MPP7: variants seen among roughly 807,000 people sequenced by gnomAD.
MPP7 encodes MAGUK p55 subfamily member 7.
Under a neutral mutation model 76.5 loss-of-function variants are expected in MPP7, and 60 were observed. The ratio of observed to expected loss-of-function variants is 0.78; its 90% CI spans 0.64 to 0.97. MPP7 has a LOEUF of 0.97. Ranked by LOEUF, MPP7 falls within the 50% of genes least tolerant of loss-of-function variation. MPP7 has a pLI of 0.00. For synonymous variants in MPP7, 237 were observed against 244.5 expected (o/e 0.97, Z 0.29); for missense variants, 641 against 694.0 (o/e 0.92, Z 0.86).
chr10:28,328,719 T>C (rs1389259487), intron 2 of MPP7, among the ~76,000 whole-genome samples: 1 of 152,202 alleles, frequency 6.6e-6, no homozygotes, highest in African/African-American at 2.4e-5. Flanking sequence ...TTAGTTATAT[T>C]TGCAGCGTTT....
At chr10:28,089,060 A>G (rs1322779541) in intron 12 of MPP7, among the ~76,000 whole-genome samples, 3 of 151,990 alleles carry the variant, frequency 2.0e-5, no homozygotes, top group Non-Finnish European at 4.4e-5. Flanking sequence ...ATTTTTGTAG[A>G]GATGGGGCTT....
At chr10:28,289,927 T>TC (rs1840874820) in intron 1 of MPP7, among the ~76,000 whole-genome samples, 1 of 152,206 alleles carries the variant, frequency 6.6e-6, no homozygotes, top group African/African-American at 2.4e-5. Context: ...CAAGCAATGC[T>TC]CCCATCTTAG....
chr10:28,062,951 G>C (rs890658009), intron 13 of MPP7, among the ~76,000 whole-genome samples: 1 of 151,770 alleles, frequency 6.6e-6, no homozygotes, highest in Non-Finnish European at 1.5e-5. Flanking sequence ...CTTTTACATA[G>C]AACAGAAAAA....
At chr10:28,190,206 T>C (rs1172680169) in intron 3 of MPP7, among the ~76,000 whole-genome samples, 2 of 152,128 alleles carry the variant, frequency 1.3e-5, no homozygotes, top group Non-Finnish European at 2.9e-5. Context: ...GAGAAATGCA[T>C]GAAGTCACTA....
intron 1 of MPP7, among the ~76,000 whole-genome samples, chr10:28,254,334 A>C (rs1401448518): frequency 3.3e-5 from 5 of 152,196 alleles, no homozygotes; most frequent in Non-Finnish European, 7.3e-5. Flanking sequence ...AAAAGGGCCC[A>C]ACAAAATAAA....
intron 13 of MPP7, among the ~76,000 whole-genome samples, chr10:28,068,657 AT>A (rs1263305791): frequency 1.3e-5 from 2 of 152,314 alleles, no homozygotes; most frequent in East Asian, 1.9e-4. Context: ...TGAAAAGCCC[AT>A]TTAACATCAT....
rs58760717 is a variant in MPP7, at chr10:28,332,890, C to G, written c.-206+1528G>C. Among the ~76,000 whole-genome samples, 1,365 of 151,894 alleles carry G rather than the reference C, an allele frequency of 9.0e-3. 16 individuals carry two copies. The highest frequency in any genetic ancestry group is 0.056 in the South Asian group (268 of 4,808). On this transcript the variant is annotated intron_variant, in intron 1 of 11. Transcript: ENST00000441595. ...GTTGCCCAAGCTGGTCACAAACTCC[C>G]AACCTCAAGCAATCCTCCCACCCCA... is the stretch of plus-strand genomic sequence containing the variant.
At chr10:28,213,570 A>C (rs1279817072) in intron 2 of MPP7, among the ~76,000 whole-genome samples, 1 of 151,968 alleles carries the variant, frequency 6.6e-6, no homozygotes, top group East Asian at 1.9e-4. Context: ...CAAGGCGGGC[A>C]GATCAAGAGG....
chr10:28,189,570 C>CAAA lies in MPP7; in HGVS notation c.156+12580_156+12582dup, dbSNP rs59436299. Reference sequence around the variant, plus strand: ...AGGGAGACAGAGCAAGACCCTGTCTCAAAAAAAAAAAAAAAAAAAAAAAAA... The same window carrying CAAA: ...AGGGAGACAGAGCAAGACCCTGTCTCAAAAAAAAAAAAAAAAAAAAAAAAAAAA... On this transcript the variant is annotated intron_variant, in intron 3 of 16. Coordinates refer to ENST00000683449, the MANE Select transcript of MPP7 (RefSeq NM_001318170.2). 3.7e-4 allele frequency among the ~76,000 whole-genome samples: 26 copies of CAAA among 69,528 alleles called. 1 individual carries two copies. The highest frequency in any genetic ancestry group is 9.6e-4 in the African/African-American group (20 of 20,744). The allele number at this position is 69,528 out of a possible 152,430, so 45.6% of individuals were successfully genotyped here. A position where few individuals can be genotyped will look rare whatever the true frequency, so the allele number is the denominator to read the frequency against.
At chr10:28,157,604 C>T (rs1393323387) in intron 3 of MPP7, among the ~76,000 whole-genome samples, 1 of 152,220 alleles carries the variant, frequency 6.6e-6, no homozygotes, top group African/African-American at 2.4e-5. Flanking sequence ...AAACTCAAGC[C>T]TGTTCTGGGG....
At chr10:28,101,135 A>T (rs969513499) in intron 11 of MPP7, among the ~76,000 whole-genome samples, 2 of 152,258 alleles carry the variant, frequency 1.3e-5, no homozygotes, top group African/African-American at 4.8e-5. Flanking sequence ...GTCAGAAAAA[A>T]ATATTTCCAA....
intron 11 of MPP7, among the ~76,000 whole-genome samples, chr10:28,093,637 G>A (rs1853425872): frequency 6.6e-6 from 1 of 151,916 alleles, no homozygotes. Flanking sequence ...AGTAGAGATG[G>A]GGTTTCTCCA....
chr10:28,303,171 G>C (rs1370142223), upstream of MPP7: 1 of 143,954 alleles, frequency 6.9e-6, no homozygotes, highest in Non-Finnish European at 1.5e-5. Context: ...GGCGATAGGC[G>C]TCTCAGACTT....
intron 12 of MPP7, among the ~76,000 whole-genome samples, chr10:28,078,694 C>A (rs143131692): frequency 6.6e-6 from 1 of 151,586 alleles, no homozygotes; most frequent in Non-Finnish European, 1.5e-5. Context: ...ATTTGTATTA[C>A]GTGAAGGTCT....
At chr10:28,222,324 C>T in intron 2 of MPP7, among the ~76,000 whole-genome samples, 1 of 151,748 alleles carries the variant, frequency 6.6e-6, no homozygotes, top group East Asian at 1.9e-4. Flanking sequence ...TATGGTGAGA[C>T]CCCATCTCTA....
rs1342230321 is a variant in MPP7, at chr10:28,059,701, T to C, written c.1247A>G (p.Glu416Gly). The C allele has an allele frequency of 6.2e-7, 1 of 1,613,514 alleles. No homozygotes were observed. Among genetic ancestry groups the C allele is most frequent in the Admixed American group, 1.7e-5 (1 of 59,996 alleles). ...ARRSQESDGV[E>G]YIFISKHLFE... ...CAAATGCTTGGAAATGAAAATGTAT[T>C]CAACACCATCACTCTCCTGGCTTCT... The change falls in exon 14 of 17, where the codon GAA becomes GGA. Residue 416 changes from glutamate (E) to glycine (G), a missense_variant. By Grantham distance (98) the Glu-to-Gly change is moderately conservative. Transcript: ENST00000683449.
At chr10:28,332,487 A>G (rs1589051060) in intron 1 of MPP7, among the ~76,000 whole-genome samples, 1 of 152,294 alleles carries the variant, frequency 6.6e-6, no homozygotes, top group Middle Eastern at 3.4e-3. Flanking sequence ...GTGCAATGGC[A>G]TGAATTAGAA....
chr10:28,257,951 C>T (rs149732758), intron 1 of MPP7, among the ~76,000 whole-genome samples: 5 of 152,094 alleles, frequency 3.3e-5, no homozygotes, highest in South Asian at 2.1e-4. Flanking sequence ...AGACATTCTG[C>T]GGGGAGTAAA....
chr10:28,306,692 ATAATAGATAGTT>A (rs1841259435), upstream of MPP7, among the ~76,000 whole-genome samples: 3 of 81,698 alleles, frequency 3.7e-5, no homozygotes, highest in South Asian at 3.2e-4. Context: ...GAGATGATAG[ATAATAGATAGTT>A]GATAGATAGA....
Sources: gnomAD v4.1 joint callset for allele counts (sites outside exome capture counted in the v4.1 genomes callset) on GRCh38, gnomAD v4.1.1 for gene constraint, MANE v1.5 for transcripts, NCBI Gene and HGNC (gene_info 2026-07-23, HGNC 2026-07-21) for gene names.